Variants in IL1RAP observed in about 807,000 individuals in gnomAD.
IL1RAP encodes interleukin 1 receptor accessory protein.
In IL1RAP, 35 loss-of-function variants were observed where a neutral mutation model predicts 60.7. The ratio of observed to expected loss-of-function variants is 0.58; its 90% CI spans 0.44 to 0.76. The LOEUF (loss-of-function observed/expected upper bound fraction) is 0.76, where lower values mean the gene tolerates loss of function less well. IL1RAP is among the 30% of genes least tolerant of loss of function. IL1RAP has a pLI of 0.00. For missense variants in IL1RAP, 572 were observed against 693.9 expected (o/e 0.82, Z 1.97); for synonymous variants, 268 against 250.9 (o/e 1.07, Z -0.64).
chr3:190,648,063 A>G (rs79394731), intron 11 of IL1RAP, among the ~76,000 whole-genome samples: 2,900 of 152,280 alleles, frequency 0.019, 104 homozygotes, highest in African/African-American at 0.067. Context: ...TTTGAAGATC[A>G]AGGTCACAAC....
At chr3:190,596,408 T>G (rs1159363804) in intron 3 of IL1RAP, among the ~76,000 whole-genome samples, 2 of 152,162 alleles carry the variant, frequency 1.3e-5, no homozygotes, top group African/African-American at 4.8e-5. Context: ...TCTCTCTGTC[T>G]CCGTTTCCTG....
At chr3:190,641,126 C>A (rs530976203) in intron 9 of IL1RAP, among the ~76,000 whole-genome samples, 1 of 152,076 alleles carries the variant, frequency 6.6e-6, no homozygotes, top group Admixed American at 6.5e-5. Context: ...CCACCACACC[C>A]GGCTAATTTT....
At chr3:190,575,856 C>A (rs57480365) in intron 3 of IL1RAP, among the ~76,000 whole-genome samples, 2 of 152,178 alleles carry the variant, frequency 1.3e-5, no homozygotes, top group Non-Finnish European at 2.9e-5. Flanking sequence ...TGCTGTAAAG[C>A]AGCTAGAAAT....
chr3:190,553,218 A>G (rs183406621), intron 1 of IL1RAP, among the ~76,000 whole-genome samples: 167 of 152,336 alleles, frequency 1.1e-3, no homozygotes, highest in African/African-American at 3.6e-3. Flanking sequence ...TTTACAGACC[A>G]TACAGAAAGA....
chr3:190,644,401 A>T lies in IL1RAP; in HGVS notation c.1201+4A>T. 16 of 1,610,616 alleles carry T rather than the reference A, an allele frequency of 9.9e-6. No homozygotes were observed. Among genetic ancestry groups the T allele is most frequent in the Non-Finnish European group, 1.4e-5 (16 of 1,176,948 alleles). On this transcript the variant is annotated splice_donor_region_variant and intron_variant, in intron 10 of 11. Coordinates refer to ENST00000447382, the MANE Select transcript of IL1RAP (RefSeq NM_002182.4). Reference sequence around the variant, plus strand: ...GGAACAGATGAAACCATTTTAGGTAAGTAACAGAAATTTGACATAAACCTC... The same window carrying T: ...GGAACAGATGAAACCATTTTAGGTATGTAACAGAAATTTGACATAAACCTC...
chr3:190,529,802 C>T (rs543101903), intron 1 of IL1RAP, among the ~76,000 whole-genome samples: 34 of 147,478 alleles, frequency 2.3e-4, no homozygotes, highest in Non-Finnish European at 3.9e-4. Context: ...TGCAGTGAGC[C>T]GAAGATCACA....
At chr3:190,642,251 C>T (rs1733708921) in intron 9 of IL1RAP, 1 of 152,196 alleles carries the variant, frequency 6.6e-6, no homozygotes, top group Non-Finnish European at 1.5e-5. Flanking sequence ...GCGGGTGTCC[C>T]CTTCCTCCCT....
intron 5 of IL1RAP, among the ~76,000 whole-genome samples, chr3:190,617,794 A>G (rs1046681703): frequency 1.3e-5 from 2 of 152,196 alleles, no homozygotes; most frequent in African/African-American, 4.8e-5. Flanking sequence ...GCTGATAAGA[A>G]AGAGAGAGCT....
intron 2 of IL1RAP, among the ~76,000 whole-genome samples, chr3:190,556,685 A>G (rs1725457119): frequency 6.6e-6 from 1 of 152,218 alleles, no homozygotes; most frequent in Non-Finnish European, 1.5e-5. Flanking sequence ...GACCTAGTAC[A>G]CACAAAGTGT....
At chr3:190,552,837 A>G (rs533129610) in intron 1 of IL1RAP, among the ~76,000 whole-genome samples, 7 of 152,268 alleles carry the variant, frequency 4.6e-5, no homozygotes, top group Non-Finnish European at 7.3e-5. Context: ...CAGAAAAACA[A>G]GGTCCAAGAA....
At chr3:190,645,922 C>A in intron 11 of IL1RAP, 80 bp downstream of exon 11, 1 of 1,167,888 alleles carries the variant, frequency 8.6e-7, no homozygotes, top group Non-Finnish European at 1.2e-6. Flanking sequence ...GGGAGAGAGT[C>A]ATGGCACAGC....
At chr3:190,517,834 T>G (rs531285054) in intron 1 of IL1RAP, 7 of 152,224 alleles carry the variant, frequency 4.6e-5, no homozygotes. Context: ...ACAGCTTCAT[T>G]TGTTGCTCAA....
At chr3:190,612,542 C>T (rs906726414) in intron 5 of IL1RAP, among the ~76,000 whole-genome samples, 1 of 152,056 alleles carries the variant, frequency 6.6e-6, no homozygotes, top group African/African-American at 2.4e-5. Context: ...CTCATGTATT[C>T]CTGTTTATTT....
At chr3:190,556,443 A>G (rs1725437732) in intron 2 of IL1RAP, among the ~76,000 whole-genome samples, 1 of 151,946 alleles carries the variant, frequency 6.6e-6, no homozygotes, top group African/African-American at 2.4e-5. Flanking sequence ...ACATCCTTTG[A>G]TCCTCTCCAT....
intron 11 of IL1RAP, 25 bp downstream of exon 11, chr3:190,645,867 T>C: frequency 6.3e-7 from 1 of 1,594,338 alleles, no homozygotes; most frequent in Non-Finnish European, 8.6e-7. Flanking sequence ...GGAGTACAAA[T>C]GATGCTACCT....
Position 190,620,446 on chromosome 3 carries a change from CATG to C in IL1RAP, c.703+9_703+11del. On this transcript the variant is annotated splice_region_variant and intron_variant, in intron 6 of 11. Coordinates refer to ENST00000447382, the MANE Select transcript of IL1RAP (RefSeq NM_002182.4). ...TCTGACTGTAAAGGTAGTAGGTAAGCATGATTAGTGTCCAGTACACACAACAAG... is the reference window on the plus strand; with the variant it reads ...TCTGACTGTAAAGGTAGTAGGTAAGCATTAGTGTCCAGTACACACAACAAG... 6.2e-7 allele frequency: 1 copy of C among 1,608,022 alleles called. No homozygotes were observed. Among genetic ancestry groups the C allele is most frequent in the Non-Finnish European group, 8.5e-7 (1 of 1,177,430 alleles).
In IL1RAP at chr3:190,649,500, G is replaced by A; in HGVS notation, c.*795G>A. ...GGAGGCTCCATACTAGGTTCAGTCT[G>A]AAAGAAATCTCCTAATGGTGCTATA... On this transcript the variant is annotated 3_prime_UTR_variant, in exon 12 of 12. Transcript: ENST00000447382. 1.0e-6 allele frequency: 1 copy of A among 985,836 alleles called. No individual in the cohort carries two copies. Among genetic ancestry groups the A allele is most frequent in the Non-Finnish European group, 1.2e-6 (1 of 829,928 alleles). 61.1% of individuals were successfully genotyped at this position (985,836 alleles called of 1,614,324 possible). A position where few individuals can be genotyped will look rare whatever the true frequency, so the allele number is the denominator to read the frequency against.
chr3:190,521,457 ATTT>A (rs79210560), intron 1 of IL1RAP, among the ~76,000 whole-genome samples: 15 of 141,642 alleles, frequency 1.1e-4, no homozygotes, highest in African/African-American at 3.6e-4. Context: ...AGATTATGTC[ATTT>A]TTTTTTTTTT....
At chr3:190,639,429 T>C (rs1733482674) in intron 9 of IL1RAP, among the ~76,000 whole-genome samples, 1 of 152,190 alleles carries the variant, frequency 6.6e-6, no homozygotes, top group Admixed American at 6.5e-5. Context: ...TATTTCAGAA[T>C]TGTATCTTTT....
Sources: allele counts gnomAD v4.1 joint callset (sites outside exome capture counted in the v4.1 genomes callset), GRCh38; gene constraint gnomAD v4.1.1; transcripts MANE v1.5; gene names NCBI Gene and HGNC (gene_info 2026-07-23, HGNC 2026-07-21).